Variants in TMEM67 observed in about 807,000 individuals in gnomAD.
The protein encoded by TMEM67 is transmembrane protein 67, also known as meckelin.
TMEM67 carries 124 observed loss-of-function variants against 136.6 expected under a neutral mutation model. That is an observed-to-expected ratio of 0.91 (90% CI 0.78 to 1.05). TMEM67 has a LOEUF of 1.05. Among genes scored for constraint, TMEM67 ranks in the 50% least tolerant of loss-of-function variants. The probability of loss-of-function intolerance (pLI) is 0.00; values close to 1 mark genes in which losing one functional copy is unlikely to be tolerated. For synonymous variants in TMEM67, 364 were observed against 390.5 expected, an observed-to-expected ratio of 0.93 and a Z score of 0.80; for missense variants, 1,107 against 1,178.4, an observed-to-expected ratio of 0.94 and a Z score of 0.89.
At chr8:93,811,216 T>C (rs1039133872) in intron 26 of TMEM67, 6 of 152,256 alleles carry the variant, frequency 3.9e-5, no homozygotes, top group African/African-American at 1.4e-4. Context: ...ATAGAAAATC[T>C]AACCAGATAT....
At position 93,799,939 on chromosome 8, in the gene TMEM67, G is replaced by A. The variant is rs931736774; in HGVS notation, c.2241+181G>A. Reference sequence around the variant, plus strand: ...TTTTTTTTTTTTGAAACAGAGTCCCGCTCTGTCACCCAGGCTGGAGTGCAG... The same window carrying A: ...TTTTTTTTTTTTGAAACAGAGTCCCACTCTGTCACCCAGGCTGGAGTGCAG... On this transcript the variant is annotated intron_variant, in intron 21 of 27. Transcript: ENST00000453321. Among the ~76,000 whole-genome samples, 4 of 124,648 alleles carry A rather than the reference G, an allele frequency of 3.2e-5. No homozygotes were observed. The South Asian group carries it at 1.0e-3, about 32-fold the overall frequency. The allele number at this position is 124,648 out of a possible 152,430, so 81.8% of individuals were successfully genotyped here.
In TMEM67 at chr8:93,816,660, A is replaced by G. The variant is rs1808922094; in HGVS notation, c.*208A>G. 1 of 366,002 alleles carries G rather than the reference A, an allele frequency of 2.7e-6. No individual in the cohort carries two copies. The highest frequency in any genetic ancestry group is 4.2e-5 in the Admixed American group (1 of 23,638). 22.7% of individuals were successfully genotyped at this position (366,002 alleles called of 1,614,324 possible). A position where few individuals can be genotyped will look rare whatever the true frequency, so the allele number is the denominator to read the frequency against. ...GTTTTCCCATTGTGTGTAGTATTTA[A>G]TGCAGTAAATAATAAATTAATACTG... On this transcript the variant is annotated 3_prime_UTR_variant, in exon 28 of 28. Transcript: ENST00000453321.
intron 23 of TMEM67, among the ~76,000 whole-genome samples, chr8:93,807,984 T>A (rs1815229802): frequency 6.6e-6 from 1 of 151,898 alleles, no homozygotes; most frequent in African/African-American, 2.4e-5. Flanking sequence ...TGTATCACTA[T>A]GTTTTATTGG....
At chr8:93,801,113 C>G (rs1814851632) in intron 21 of TMEM67, among the ~76,000 whole-genome samples, 1 of 151,994 alleles carries the variant, frequency 6.6e-6, no homozygotes, top group Admixed American at 6.6e-5. Flanking sequence ...TTAAAATTTC[C>G]TTAACTTTTA....
rs1586331206 is a variant in TMEM67, at chr8:93,755,671, A to G, written c.224-107A>G. ...CCAGAATCCTGCTGTTAATCACTATACTGCTTCTCAAGATCTTCAGACTTA... is the reference window on the plus strand; with the variant it reads ...CCAGAATCCTGCTGTTAATCACTATGCTGCTTCTCAAGATCTTCAGACTTA... On this transcript the variant is annotated intron_variant, in intron 1 of 27. Coordinates refer to ENST00000453321, the MANE Select transcript of TMEM67 (RefSeq NM_153704.6). The G allele has an allele frequency of 3.9e-6, 3 of 761,652 alleles. No individual in the cohort carries two copies. In the East Asian group the frequency reaches 8.1e-5, roughly 21 times the overall value. The allele number at this position is 761,652 out of a possible 1,614,324, so 47.2% of individuals were successfully genotyped here. A position where few individuals can be genotyped will look rare whatever the true frequency, so the allele number is the denominator to read the frequency against.
At position 93,786,470 on chromosome 8, in the gene TMEM67, G is replaced by A. The variant is rs141656309; in HGVS notation, c.1412+124G>A. On this transcript the variant is annotated intron_variant, in intron 13 of 27. Transcript: ENST00000453321. Reference sequence around the variant, plus strand: ...AACAGTTGGTCGGGTTATTTTAGGTGTATGTGTAGATTGGCATAGACCAGT... The same window carrying A: ...AACAGTTGGTCGGGTTATTTTAGGTATATGTGTAGATTGGCATAGACCAGT... 3.4e-5 allele frequency: 38 copies of A among 1,110,178 alleles called. No homozygotes were observed. The African/African-American group carries it at 5.7e-4, about 17-fold the overall frequency. The allele number at this position is 1,110,178 out of a possible 1,614,324, so 68.8% of individuals were successfully genotyped here. A position where few individuals can be genotyped will look rare whatever the true frequency, so the allele number is the denominator to read the frequency against.
chr8:93,787,882 A>G lies in TMEM67; in HGVS notation c.1451A>G (p.Tyr484Cys), dbSNP rs767069319. Residue 484 changes from tyrosine (Y) to cysteine (C), a missense_variant, in exon 14 of 28, where the codon TAC becomes TGC. Tyr to Cys is a radical substitution (Grantham distance 194). Coordinates refer to ENST00000453321, the MANE Select transcript of TMEM67 (RefSeq NM_153704.6). ...CCCAACACAATAAATGGAAACATCT[A>G]CCCTCCCTTAATCACCATTGCCTAC... ...LVPNTINGNI[Y>C]PPLITIAYSD... The G allele has an allele frequency of 2.5e-6, 4 of 1,614,054 alleles. No homozygotes were observed. The Admixed American group carries it at 6.7e-5, about 27-fold the overall frequency.
downstream of TMEM67, among the ~76,000 whole-genome samples, chr8:93,820,659 T>C (rs1008194166): frequency 1.3e-5 from 2 of 152,234 alleles, no homozygotes; most frequent in African/African-American, 2.4e-5. Context: ...CAAAGACTTA[T>C]TGGGAAGATT....
rs1221637070 is a variant in TMEM67 at position 93,817,008 on chromosome 8, G to A, written c.*556G>A. 1 of 152,330 alleles carries A rather than the reference G, an allele frequency of 6.6e-6. No homozygotes were observed. Among genetic ancestry groups the A allele is most frequent in the African/African-American group, 2.4e-5 (1 of 41,406 alleles). 9.4% of individuals were successfully genotyped at this position (152,330 alleles called of 1,614,324 possible). ...TTGGCAGTGGATTAATTCACTGTTG[G>A]GTTAATATGCATCTCATGAAATGAT... is the stretch of plus-strand genomic sequence containing the variant. On this transcript the variant is annotated 3_prime_UTR_variant, in exon 28 of 28. Coordinates refer to ENST00000453321, the MANE Select transcript of TMEM67 (RefSeq NM_153704.6).
At chr8:93,785,675 T>G (rs1195361574) in intron 12 of TMEM67, 1 of 277,272 alleles carries the variant, frequency 3.6e-6, no homozygotes, top group Non-Finnish European at 6.7e-6. Context: ...GAATATGCTT[T>G]TTTGGACAAA....
Position 93,755,775 on chromosome 8 carries a change from TAGGAA to T in TMEM67, c.224-2_226del. On this transcript the variant is annotated splice_acceptor_variant and coding_sequence_variant, in exon 2 of 28. Transcript: ENST00000453321. LOFTEE classifies it high-confidence loss of function. The stretch of plus-strand genomic sequence containing the variant: ...GCTTTTTTTTTTTTTTTTTTTTTTT[TAGGAA>T]CTTCATGTGTATGTCTACCAGGATT... 2.3e-6 allele frequency: 3 copies of T among 1,281,726 alleles called. No homozygotes were observed. Among genetic ancestry groups the T allele is most frequent in the South Asian group, 1.3e-5 (1 of 74,862 alleles). The allele number at this position is 1,281,726 out of a possible 1,614,324, so 79.4% of individuals were successfully genotyped here.
chr8:93,789,831 G>C (rs1814294931), intron 14 of TMEM67, among the ~76,000 whole-genome samples: 1 of 151,874 alleles, frequency 6.6e-6, no homozygotes, highest in Admixed American at 6.6e-5. Context: ...AGCACTATGG[G>C]AGGCTGAGGC....
At chr8:93,772,090 T>C (rs915897539) in intron 6 of TMEM67, among the ~76,000 whole-genome samples, 2 of 152,210 alleles carry the variant, frequency 1.3e-5, no homozygotes, top group African/African-American at 2.4e-5. Flanking sequence ...GAGATACTGA[T>C]TCGTTTTTGT....
intron 7 of TMEM67, among the ~76,000 whole-genome samples, chr8:93,776,139 A>T (rs1813532220): frequency 6.6e-6 from 1 of 152,078 alleles, no homozygotes. Flanking sequence ...TTCACTCATG[A>T]TTTGGCTCTC....
At chr8:93,808,984 TTC>T in intron 24 of TMEM67, 28 bp downstream of exon 24, 1 of 1,522,134 alleles carries the variant, frequency 6.6e-7, no homozygotes, top group South Asian at 1.1e-5. Context: ...TTCAGATATA[TTC>T]TGTCAATATT....
chr8:93,765,679 TA>T (rs1813053638), intron 6 of TMEM67, 33 bp downstream of exon 6: 1 of 1,434,838 alleles, frequency 7.0e-7, no homozygotes, highest in Non-Finnish European at 9.8e-7. Context: ...GTTCTGTTGT[TA>T]AAAAACTTTC....
At chr8:93,780,076 G>A (rs547007839) in intron 7 of TMEM67, among the ~76,000 whole-genome samples, 3 of 152,206 alleles carry the variant, frequency 2.0e-5, no homozygotes, top group South Asian at 2.1e-4. Context: ...TCAAGCCTCA[G>A]CAATGGCAGA....
chr8:93,777,840 G>A (rs1563456014), intron 7 of TMEM67, among the ~76,000 whole-genome samples: 1 of 152,208 alleles, frequency 6.6e-6, no homozygotes, highest in South Asian at 2.1e-4. Context: ...TTGATTTGGG[G>A]TGGAGAGTTC....
chr8:93,806,047 C>T (rs1002811802), intron 23 of TMEM67, among the ~76,000 whole-genome samples: 16 of 152,118 alleles, frequency 1.1e-4, no homozygotes, highest in African/African-American at 3.6e-4. Flanking sequence ...GAAATACAAG[C>T]GATAAAGGGA....
Sources: allele counts gnomAD v4.1 joint callset (sites outside exome capture counted in the v4.1 genomes callset), GRCh38; gene constraint gnomAD v4.1.1; transcripts MANE v1.5; gene names NCBI Gene and HGNC (gene_info 2026-07-23, HGNC 2026-07-21).